Variants in ATF7 observed in about 807,000 individuals in gnomAD.
ATF7 encodes the protein cyclic AMP-dependent transcription factor ATF-7.
In ATF7, 10 loss-of-function variants were observed where a neutral mutation model predicts 50.4. The ratio of observed to expected loss-of-function variants is 0.20; its 90% CI spans 0.12 to 0.34. The LOEUF (loss-of-function observed/expected upper bound fraction) is 0.34. ATF7 is among the 10% of genes least tolerant of loss of function. ATF7 has a pLI of 1.00. For missense variants in ATF7, 465 were observed against 613.9 expected (o/e 0.76, Z 2.56); for synonymous variants, 201 against 226.4 (o/e 0.89, Z 1.01).
intron 1 of ATF7, among the ~76,000 whole-genome samples, chr12:53,610,320 T>C (rs1943808744): frequency 6.6e-6 from 1 of 151,710 alleles, no homozygotes; most frequent in South Asian, 2.1e-4. Context: ...ATCCCAGCAC[T>C]TTGGGACGAC....
chr12:53,551,993 A>C (rs571079075), intron 3 of ATF7, among the ~76,000 whole-genome samples: 2 of 152,340 alleles, frequency 1.3e-5, no homozygotes, highest in South Asian at 2.1e-4. Flanking sequence ...GAGAGGTTCC[A>C]GGTCACCCAA....
chr12:53,593,979 G>A (rs1943050657), intron 2 of ATF7, among the ~76,000 whole-genome samples: 1 of 152,276 alleles, frequency 6.6e-6, no homozygotes, highest in Admixed American at 6.5e-5. Context: ...TAACCAGAGA[G>A]AGGGAGTACG....
chr12:53,619,674 C>T (rs1405752903), intron 1 of ATF7, among the ~76,000 whole-genome samples: 4 of 151,214 alleles, frequency 2.6e-5, no homozygotes, highest in Non-Finnish European at 5.9e-5. Flanking sequence ...TAGATGGGCA[C>T]GGTGGCGCAC....
chr12:53,605,586 C>A (rs529519082), intron 1 of ATF7, among the ~76,000 whole-genome samples: 1 of 152,164 alleles, frequency 6.6e-6, no homozygotes, highest in East Asian at 1.9e-4. Context: ...ATGATTTCTG[C>A]CCTCATAGAG....
At chr12:53,535,323 TGC>T in intron 5 of ATF7, among the ~76,000 whole-genome samples, 15 of 115,254 alleles carry the variant, frequency 1.3e-4, no homozygotes, top group African/African-American at 6.9e-4. Flanking sequence ...AGCGAGACTC[TGC>T]CTCAAAAAAA....
At chr12:53,588,594 G>A (rs781641013) in intron 2 of ATF7, among the ~76,000 whole-genome samples, 1 of 152,138 alleles carries the variant, frequency 6.6e-6, no homozygotes, top group Admixed American at 6.5e-5. Flanking sequence ...GGGAGCTTAT[G>A]GGCATAAAAC....
intron 3 of ATF7, among the ~76,000 whole-genome samples, chr12:53,548,152 G>T (rs1288316064): frequency 2.0e-5 from 3 of 151,490 alleles, no homozygotes; most frequent in Non-Finnish European, 2.9e-5. Flanking sequence ...TAGGCGTGAG[G>T]CACTGTGCCC....
At position 53,534,670 on chromosome 12, in the gene ATF7, G is replaced by T; in HGVS notation, c.403-11C>A. 1 of 1,608,054 alleles carries T rather than the reference G, an allele frequency of 6.2e-7. No homozygotes were observed. The highest frequency in any genetic ancestry group is 8.5e-7 in the Non-Finnish European group (1 of 1,178,338). ...CTTTGGGGTAACCTCCTGGAGAAAA[G>T]AAACCAACAGATCACAAAATGTTTT... On this transcript the variant is annotated splice_polypyrimidine_tract_variant and intron_variant, in intron 5 of 11. Coordinates refer to ENST00000420353, the MANE Select transcript of ATF7 (RefSeq NM_006856.3).
chr12:53,606,566 A>G (rs940719054), intron 1 of ATF7, among the ~76,000 whole-genome samples: 1 of 151,638 alleles, frequency 6.6e-6, no homozygotes, highest in Non-Finnish European at 1.5e-5. Flanking sequence ...TTTTTTTTAA[A>G]TTTTAATATT....
intron 2 of ATF7, among the ~76,000 whole-genome samples, chr12:53,555,037 A>G (rs1328372310): frequency 6.6e-6 from 1 of 152,058 alleles, no homozygotes; most frequent in Non-Finnish European, 1.5e-5. Context: ...GTAAGAAAAA[A>G]GTGGCCGGGA....
intron 3 of ATF7, among the ~76,000 whole-genome samples, chr12:53,549,159 C>A (rs532761619): frequency 6.6e-6 from 1 of 151,840 alleles, no homozygotes; most frequent in South Asian, 2.1e-4. Flanking sequence ...TGGCGGCGGG[C>A]GCCTGTAGTC....
At chr12:53,567,235 T>C (rs946317260) in intron 2 of ATF7, among the ~76,000 whole-genome samples, 2 of 152,268 alleles carry the variant, frequency 1.3e-5, no homozygotes, top group African/African-American at 4.8e-5. Flanking sequence ...ATCCTAATGC[T>C]GAATTCTGTT....
intron 1 of ATF7, among the ~76,000 whole-genome samples, chr12:53,619,052 C>CA (rs776201927): frequency 0.02 from 1,528 of 74,992 alleles, 13 homozygotes; most frequent in Middle Eastern, 0.048. Context: ...ACTCTGTCTC[C>CA]AAAAAAAAAA....
rs756535828 is a variant in ATF7 at position 53,524,555 on chromosome 12, C to A, written c.1125+9G>T. 1.9e-6 allele frequency: 3 copies of A among 1,613,418 alleles called. No individual in the cohort carries two copies. The highest frequency in any genetic ancestry group is 2.5e-6 in the Non-Finnish European group (3 of 1,179,894). ...CAACAATTCCAATAAGCATCCAGGA[C>A]CCACTCACACTCAGCTGAATGTTCT... On this transcript the variant is annotated intron_variant, in intron 10 of 11. Transcript: ENST00000420353. The surrounding 1 kb of genome is among the most constrained non-coding windows in gnomAD (Gnocchi z 4.6).
intron 2 of ATF7, among the ~76,000 whole-genome samples, chr12:53,580,033 C>A (rs147314037): frequency 6.6e-6 from 1 of 151,960 alleles, no homozygotes; most frequent in Non-Finnish European, 1.5e-5. Context: ...TAGGTTCAAG[C>A]GATCCTCCTG....
At chr12:53,610,080 G>A (rs1252494990) in intron 1 of ATF7, among the ~76,000 whole-genome samples, 1 of 151,956 alleles carries the variant, frequency 6.6e-6, no homozygotes, top group Non-Finnish European at 1.5e-5. Context: ...GCCTCCCAAA[G>A]TGCTGGGATT....
intron 2 of ATF7, among the ~76,000 whole-genome samples, chr12:53,587,843 A>ATATATATATATTTTTTTTTTT: frequency 9.7e-5 from 6 of 61,568 alleles, no homozygotes; most frequent in African/African-American, 3.1e-4. Context: ...ATATATATAT[A>ATATATATATATTTTTTTTTTT]TTTTTTTTTT....
chr12:53,508,293 G>A (rs1439360129), downstream of ATF7: 2 of 149,598 alleles, frequency 1.3e-5, no homozygotes, highest in East Asian at 4.0e-4. Context: ...CGGGTGCAGT[G>A]CCTCACACCT....
intron 11 of ATF7, among the ~76,000 whole-genome samples, chr12:53,521,474 G>A (rs1938125649): frequency 1.3e-5 from 2 of 152,056 alleles, no homozygotes; most frequent in Non-Finnish European, 2.9e-5. Flanking sequence ...AGATGTACCA[G>A]GTACCTTGCG....
Sources: allele counts gnomAD v4.1 joint callset (sites outside exome capture counted in the v4.1 genomes callset), GRCh38; gene constraint gnomAD v4.1.1; non-coding constraint Gnocchi (gnomAD v3.1); transcripts MANE v1.5; gene names NCBI Gene and HGNC (gene_info 2026-07-23, HGNC 2026-07-21).